GRB14: variants seen among roughly 807,000 people sequenced by gnomAD.
GRB14 encodes growth factor receptor bound protein 14.
GRB14 carries 38 observed loss-of-function variants against 69.1 expected under a neutral mutation model. That is an observed-to-expected ratio of 0.55 (90% CI 0.42 to 0.72). GRB14 has a LOEUF of 0.72. Ranked by LOEUF, GRB14 falls within the 30% of genes least tolerant of loss-of-function variation. GRB14 has a pLI of 0.00. For missense variants in GRB14, 666 were observed against 666.1 expected, an observed-to-expected ratio of 1.00 and a Z score of 0.00; for synonymous variants, 247 against 241.3, an observed-to-expected ratio of 1.02 and a Z score of -0.22.
intron 3 of GRB14, among the ~76,000 whole-genome samples, chr2:164,537,475 GACAT>G: frequency 6.6e-6 from 1 of 152,226 alleles, no homozygotes; most frequent in Non-Finnish European, 1.5e-5. Flanking sequence ...GGAGGGGTGA[GACAT>G]TAAGACTGCA....
intron 9 of GRB14, among the ~76,000 whole-genome samples, chr2:164,501,944 T>A (rs996156914): frequency 2.0e-5 from 3 of 151,960 alleles, no homozygotes; most frequent in Admixed American, 1.3e-4. Context: ...ATTTTTAAGA[T>A]CTAATCTTCA....
chr2:164,592,163 C>T lies in GRB14; in HGVS notation c.324+27524G>A, dbSNP rs562423137. Among the ~76,000 whole-genome samples, 110 of 151,802 alleles carry T rather than the reference C, an allele frequency of 7.2e-4. 1 individual carries two copies. The highest frequency in any genetic ancestry group is 1.4e-3 in the Non-Finnish European group (92 of 67,962). On this transcript the variant is annotated intron_variant, in intron 2 of 13. Transcript: ENST00000263915. ...TGTTTTGTTTTGTTTCAGATGGAGTCTCACTCTGTCTCCCAGGCTGGAGTG... is the reference window on the plus strand; with the variant it reads ...TGTTTTGTTTTGTTTCAGATGGAGTTTCACTCTGTCTCCCAGGCTGGAGTG...
intron 2 of GRB14, among the ~76,000 whole-genome samples, chr2:164,606,661 C>G (rs1690047727): frequency 6.6e-6 from 1 of 152,122 alleles, no homozygotes; most frequent in Admixed American, 6.6e-5. Context: ...ACATCAAGTT[C>G]CCAGTGCCCT....
intron 8 of GRB14, among the ~76,000 whole-genome samples, chr2:164,505,700 C>A (rs1687171192): frequency 6.6e-6 from 1 of 151,824 alleles, no homozygotes; most frequent in Admixed American, 6.6e-5. Context: ...CATTTATGTC[C>A]ATATGTATAT....
intron 4 of GRB14, 34 bp from the exon 5 acceptor site, chr2:164,525,112 T>A (rs777840950): frequency 1.5e-6 from 2 of 1,330,504 alleles, no homozygotes; most frequent in South Asian, 2.5e-5. Flanking sequence ...TATCACAAAA[T>A]TCATGCTAGA....
chr2:164,576,596 A>T (rs921689695), intron 2 of GRB14, among the ~76,000 whole-genome samples: 7 of 151,872 alleles, frequency 4.6e-5, no homozygotes, highest in Admixed American at 3.3e-4. Flanking sequence ...AAACAATGAA[A>T]ATTGAAAGTG....
Position 164,527,057 on chromosome 2 carries a change from A to C in GRB14, c.560T>G (p.Phe187Cys). The C allele has an allele frequency of 6.3e-7, 1 of 1,597,180 alleles. No homozygotes were observed. Among genetic ancestry groups the C allele is most frequent in the Non-Finnish European group, 8.6e-7 (1 of 1,167,172 alleles). ...WGIEEENKLYFRKNYAKYEFF... is the reference protein window; with the variant it reads ...WGIEEENKLYCRKNYAKYEFF... The stretch of plus-strand genomic sequence containing the variant: ...CTCATATTTGGCATAATTTTTTCTA[A>C]AGTATAGTTTGTTTTCTTCTTCTAT... The change falls in exon 4 of 14, where the codon TTT becomes TGT. Residue 187 changes from phenylalanine to cysteine, a missense_variant. Transcript: ENST00000263915.
chr2:164,616,143 C>T (rs1399668991), intron 2 of GRB14, among the ~76,000 whole-genome samples: 1 of 151,926 alleles, frequency 6.6e-6, no homozygotes, highest in African/African-American at 2.4e-5. Flanking sequence ...TATGAATTCT[C>T]GCGGGGCACA....
chr2:164,616,363 T>C (rs761215836), intron 2 of GRB14, among the ~76,000 whole-genome samples: 5 of 146,028 alleles, frequency 3.4e-5, no homozygotes, highest in East Asian at 2.0e-4. Flanking sequence ...GAGGCAGAGC[T>C]TGCAGTAAGC....
At chr2:164,530,083 C>T (rs1687883495) in intron 3 of GRB14, among the ~76,000 whole-genome samples, 1 of 152,028 alleles carries the variant, frequency 6.6e-6, no homozygotes, top group Non-Finnish European at 1.5e-5. Flanking sequence ...TTTTTTGTTG[C>T]TGTCAAGAAA....
intron 6 of GRB14, among the ~76,000 whole-genome samples, chr2:164,521,017 C>T (rs1182170114): frequency 6.6e-6 from 1 of 152,090 alleles, no homozygotes; most frequent in Non-Finnish European, 1.5e-5. Flanking sequence ...TGGGTATCTT[C>T]CCAGAGGAAG....
At chr2:164,613,786 G>A (rs1320280199) in intron 2 of GRB14, among the ~76,000 whole-genome samples, 1 of 152,124 alleles carries the variant, frequency 6.6e-6, no homozygotes, top group Non-Finnish European at 1.5e-5. Context: ...TTGAGGCTCT[G>A]TTTTGTCTGA....
At chr2:164,530,783 C>A (rs1304473259) in intron 3 of GRB14, among the ~76,000 whole-genome samples, 8 of 152,052 alleles carry the variant, frequency 5.3e-5, no homozygotes, top group Non-Finnish European at 1.2e-4. Flanking sequence ...TTGTAGAAAG[C>A]CCTGCAGTCT....
intron 2 of GRB14, among the ~76,000 whole-genome samples, chr2:164,612,398 G>A (rs1045257576): frequency 1.3e-5 from 2 of 152,296 alleles, no homozygotes; most frequent in African/African-American, 4.8e-5. Flanking sequence ...GTGGGCCAAA[G>A]AAAAGGACAA....
At chr2:164,550,424 A>G (rs1177796049) in intron 2 of GRB14, among the ~76,000 whole-genome samples, 1 of 152,242 alleles carries the variant, frequency 6.6e-6, no homozygotes, top group African/African-American at 2.4e-5. Context: ...TTTATCTATT[A>G]CAGCAGCTAA....
intron 6 of GRB14, among the ~76,000 whole-genome samples, chr2:164,516,797 G>T (rs1014903240): frequency 4.6e-5 from 7 of 152,150 alleles, no homozygotes; most frequent in African/African-American, 1.7e-4. Flanking sequence ...GCCGAGGTGG[G>T]TGGATCACTT....
intron 9 of GRB14, 128 bp downstream of exon 9, chr2:164,502,127 G>A (rs141454762): frequency 3.9e-6 from 2 of 512,340 alleles, no homozygotes; most frequent in East Asian, 3.0e-5. Context: ...ATACTAGAAT[G>A]GTGCCAAAGA....
chr2:164,522,798 T>G (rs1687667483), intron 5 of GRB14, among the ~76,000 whole-genome samples: 1 of 152,098 alleles, frequency 6.6e-6, no homozygotes, highest in Non-Finnish European at 1.5e-5. Context: ...ATCTTGCCAC[T>G]GAATCACAAA....
chr2:164,577,539 T>C (rs1366602886), intron 2 of GRB14, among the ~76,000 whole-genome samples: 2 of 152,224 alleles, frequency 1.3e-5, no homozygotes, highest in African/African-American at 4.8e-5. Context: ...CCTTCTGCCG[T>C]GATTTTAAGT....
Sources: allele counts gnomAD v4.1 joint callset (sites outside exome capture counted in the v4.1 genomes callset), GRCh38; gene constraint gnomAD v4.1.1; transcripts MANE v1.5; gene names NCBI Gene and HGNC (gene_info 2026-07-23, HGNC 2026-07-21).